Variants in ALAS2 observed in about 807,000 individuals in gnomAD.
ALAS2 encodes the protein 5'-aminolevulinate synthase 2.
A neutral mutation model predicts 33.7 loss-of-function variants in ALAS2; 3 were observed. The ratio of observed to expected loss-of-function variants is 0.09; its 90% CI spans 0.04 to 0.23. The LOEUF is 0.23. Among genes scored for constraint, ALAS2 ranks in the 10% least tolerant of loss-of-function variants. The pLI, the probability that ALAS2 is intolerant of heterozygous loss-of-function variation, is 1.00. For missense variants in ALAS2, 304 were observed against 475.1 expected, an observed-to-expected ratio of 0.64 and a Z score of 3.35; for synonymous variants, 191 against 177.3, an observed-to-expected ratio of 1.08 and a Z score of -0.61.
chrX:55,027,784 C>T (rs936056999), intron 1 of ALAS2: 1 of 1,211,614 alleles, frequency 8.3e-7, no homozygotes, highest in East Asian at 3.0e-5. Context: ...TGTTCCATCC[C>T]AGAGCAACCT....
intron 6 of ALAS2, among the ~76,000 whole-genome samples, chrX:55,019,746 T>C (rs1458576845): frequency 8.1e-5 from 9 of 110,681 alleles, no homozygotes; most frequent in Non-Finnish European, 1.7e-4. Flanking sequence ...GACTAGAGAG[T>C]AGGAGACTGG....
chrX:55,017,208 C>T (rs763274216), intron 7 of ALAS2, among the ~76,000 whole-genome samples: 54 of 111,913 alleles, frequency 4.8e-4, no homozygotes, highest in African/African-American at 1.7e-3. Flanking sequence ...ATAGCTGCCT[C>T]CATTCTTTGG....
intron 6 of ALAS2, among the ~76,000 whole-genome samples, chrX:55,018,794 AT>A (rs1935749659): frequency 9.0e-6 from 1 of 111,114 alleles, no homozygotes; most frequent in African/African-American, 3.3e-5. Context: ...GGTGACAAAG[AT>A]AGTTTTGCAT....
intron 1 of ALAS2, chrX:55,027,929 G>C: frequency 3.4e-6 from 2 of 587,267 alleles, no homozygotes; most frequent in Non-Finnish European, 5.8e-6. Context: ...CTTTAGTATA[G>C]TTTTTGGCAC....
rs747543670 is a variant in ALAS2, at chrX:55,023,191, G to GGTGTGTGT, written c.415+558_415+565dup. ...CATGGGTGTGGTGAAGAGAGCAGAG[G>GGTGTGTGT]GTGTGTGTGTGTGTGTGTGTGTGTG... On this transcript the variant is annotated intron_variant, in intron 4 of 10. Coordinates refer to ENST00000650242, the MANE Select transcript of ALAS2 (RefSeq NM_000032.5). Among the ~76,000 whole-genome samples, 280 of 98,705 alleles carry GGTGTGTGT rather than the reference G, an allele frequency of 2.8e-3. 1 individual carries two copies. The highest frequency in any genetic ancestry group is 8.6e-3 in the African/African-American group (234 of 27,208). The allele number at this position is 98,705 out of a possible 115,157, so 85.7% of individuals were successfully genotyped here.
At chrX:55,010,915 G>C (rs909422331) in intron 10 of ALAS2, among the ~76,000 whole-genome samples, 2 of 111,601 alleles carry the variant, frequency 1.8e-5, no homozygotes, top group Non-Finnish European at 3.8e-5. Flanking sequence ...TACACAGTTG[G>C]TACTCAATAA....
At chrX:55,027,839 G>A (rs1935918076) in intron 1 of ALAS2, 2 of 1,176,835 alleles carry the variant, frequency 1.7e-6, no homozygotes, top group South Asian at 1.8e-5. Context: ...TTGGTATGTG[G>A]GGCCAAGGCA....
rs1275486593 is a variant in ALAS2 at position 55,015,856 on chromosome X, G to A, written c.1004-114C>T. On this transcript the variant is annotated intron_variant, in intron 7 of 10. Coordinates refer to ENST00000650242, the MANE Select transcript of ALAS2 (RefSeq NM_000032.5). ...GGGTTGGAAAAGGGTGTTGTAGAGA[G>A]GAAGGAGGATGTGCGCCTTCATTTA... is the stretch of plus-strand genomic sequence containing the variant. The A allele has an allele frequency of 2.0e-5, 17 of 855,956 alleles. No homozygotes were observed. In the East Asian group the frequency reaches 5.7e-4, roughly 29 times the overall value. 70.5% of individuals were successfully genotyped at this position (855,956 alleles called of 1,213,427 possible).
At chrX:55,017,422 A>T (rs1366455012) in intron 7 of ALAS2, 64 bp downstream of exon 7, 4 of 994,976 alleles carry the variant, frequency 4.0e-6, no homozygotes, top group Non-Finnish European at 5.7e-6. Flanking sequence ...CATCATCATC[A>T]TCATGATCAT....
chrX:55,009,319 G>A lies in ALAS2; in HGVS notation c.1625C>T (p.Ala542Val), dbSNP rs780775232. The A allele has an allele frequency of 2.6e-5, 31 of 1,200,899 alleles. No individual in the cohort carries two copies. The highest frequency in any genetic ancestry group is 5.4e-5 in the South Asian group (3 of 55,058). Residue 542 changes from alanine to valine, a missense_variant, in exon 11 of 11, where the codon GCG becomes GTG. Transcript: ENST00000650242. ...CACATCCTGGAGGGGCAGCCCCACC[G>A]CAGTCCAAGCCAGCAGCAGCTTCTC... ...FVEKLLLAWT[A>V]VGLPLQDVSV...
At position 55,023,745 on chromosome X, in the gene ALAS2, C is replaced by T; in HGVS notation, c.415+12G>A. On this transcript the variant is annotated intron_variant, in intron 4 of 10. Transcript: ENST00000650242. ...ATTCCGGTCCCCTTTTTTTCCACCT[C>T]AGCAAACTCACCAGGCATATTGTTC... 8.3e-7 allele frequency: 1 copy of T among 1,198,560 alleles called. No homozygotes were observed. Among genetic ancestry groups the T allele is most frequent in the Non-Finnish European group, 1.1e-6 (1 of 884,386 alleles).
chrX:55,027,709 C>T, intron 1 of ALAS2: 3 of 1,187,937 alleles, frequency 2.5e-6, no homozygotes, highest in Non-Finnish European at 3.4e-6. Flanking sequence ...TCCTTCATCT[C>T]CCTCCCTTCC....
chrX:55,027,661 G>T, intron 1 of ALAS2: 1 of 910,005 alleles, frequency 1.1e-6, no homozygotes, highest in Non-Finnish European at 1.6e-6. Flanking sequence ...TGTTTTGAGG[G>T]ACAGGTCAGC....
At chrX:55,017,452 A>G (rs1935721347) in intron 7 of ALAS2, 34 bp downstream of exon 7, 2 of 1,148,987 alleles carry the variant, frequency 1.7e-6, no homozygotes, top group South Asian at 1.8e-5. Flanking sequence ...TGTGAGACCA[A>G]CACTAGTAAA....
In ALAS2 at chrX:55,014,877, C is replaced by T. The variant is rs780294973; in HGVS notation, c.1307G>A (p.Arg436Gln). 3.4e-5 allele frequency: 41 copies of T among 1,206,168 alleles called. No individual in the cohort carries two copies. Among genetic ancestry groups the T allele is most frequent in the Non-Finnish European group, 4.0e-5 (36 of 893,176 alleles). The stretch of plus-strand genomic sequence containing the variant: ...TTGGCCCTCCTCTCCCTTGAGCAGC[C>T]GCACAGATTCTAGAGCTCCAGAGAG... Reference protein sequence around the residue: ...MVLSGALESVRLLKGEEGQAL... With the variant: ...MVLSGALESVQLLKGEEGQAL... Residue 436 changes from arginine (R) to glutamine (Q), a missense_variant, in exon 9 of 11, where the codon CGG becomes CAG. Arg to Gln is a conservative substitution (Grantham distance 43). Transcript: ENST00000650242.
intron 1 of ALAS2, chrX:55,027,685 C>T: frequency 9.0e-7 from 1 of 1,116,786 alleles, no homozygotes; most frequent in South Asian, 1.8e-5. Flanking sequence ...TGGCCCTGCC[C>T]TCATATGGCA....
In ALAS2 at chrX:55,020,959, A is replaced by G. The variant is rs6612254; in HGVS notation, c.638+93T>C. On this transcript the variant is annotated intron_variant, in intron 5 of 10. Transcript: ENST00000650242. ...ACAAAAGAAGTGGTGATAGAACCCA[A>G]GTTTCCACTGCCAGCTCTGCCTTTT... 7,407 of 827,961 alleles carry G rather than the reference A, an allele frequency of 8.9e-3. 345 individuals are homozygous for G. The African/African-American group carries it at 0.13, about 15-fold the overall frequency. The allele number at this position is 827,961 out of a possible 1,213,427, so 68.2% of individuals were successfully genotyped here. A position where few individuals can be genotyped will look rare whatever the true frequency, so the allele number is the denominator to read the frequency against.
chrX:55,024,558 A>G (rs1056168053), intron 3 of ALAS2, among the ~76,000 whole-genome samples, 160 bp downstream of exon 3: 1 of 112,171 alleles, frequency 8.9e-6, no homozygotes, highest in Non-Finnish European at 1.9e-5. Flanking sequence ...GCTTCAGCAT[A>G]CAGCCTAAAC....
intron 9 of ALAS2, 136 bp downstream of exon 9, chrX:55,014,611 A>G (rs1935667649): frequency 8.2e-6 from 7 of 858,820 alleles, no homozygotes; most frequent in Admixed American, 4.2e-5. Flanking sequence ...CAAAAAGGGA[A>G]ACAAAGCTGG....
Sources: gnomAD v4.1 joint callset for allele counts (sites outside exome capture counted in the v4.1 genomes callset) on GRCh38, gnomAD v4.1.1 for gene constraint, MANE v1.5 for transcripts, NCBI Gene and HGNC (gene_info 2026-07-23, HGNC 2026-07-21) for gene names.